The following PAPSS2 variants were observed in gnomAD, a reference collection of about 807,000 sequenced individuals.
PAPSS2 encodes 3'-phosphoadenosine 5'-phosphosulfate synthase 2.
In PAPSS2, 61 loss-of-function variants were observed where a neutral mutation model predicts 66.5. The ratio of observed to expected loss-of-function variants is 0.92; its 90% CI spans 0.75 to 1.14. The LOEUF (loss-of-function observed/expected upper bound fraction) is 1.14. Ranked by LOEUF, PAPSS2 falls within the 50% of genes most tolerant of loss-of-function variation. The pLI is 0.00. For synonymous variants in PAPSS2, 289 were observed against 287.5 expected, an observed-to-expected ratio of 1.01 and a Z score of -0.05; for missense variants, 708 against 789.6, an observed-to-expected ratio of 0.90 and a Z score of 1.24.
At chr10:87,667,206 C>T (rs1852825262) in intron 1 of PAPSS2, among the ~76,000 whole-genome samples, 1 of 152,176 alleles carries the variant, frequency 6.6e-6, no homozygotes, top group Admixed American at 6.5e-5. Flanking sequence ...GTAATCCCAG[C>T]ACTTTGAGAG....
intron 10 of PAPSS2, among the ~76,000 whole-genome samples, chr10:87,741,643 C>T (rs1406070058): frequency 3.9e-5 from 6 of 152,208 alleles, no homozygotes; most frequent in Non-Finnish European, 1.5e-5. Context: ...GATCCCCCTA[C>T]CTTGGCCTCC....
At chr10:87,683,056 T>C (rs991497005) in intron 1 of PAPSS2, among the ~76,000 whole-genome samples, 13 of 151,566 alleles carry the variant, frequency 8.6e-5, no homozygotes, top group African/African-American at 3.2e-4. Context: ...CTTTTTCTTT[T>C]TCTTTTTTTT....
In PAPSS2 at chr10:87,747,150, A is replaced by C. The variant is rs1853951718; in HGVS notation, c.*1180A>C. ...TGCCTTCTCGGATACTGAAAGGTCG[A>C]GTTTTCTGAACTGCACTGATTTTAT... On this transcript the variant is annotated 3_prime_UTR_variant, in exon 13 of 13. Transcript: ENST00000456849. 6.6e-6 allele frequency: 1 copy of C among 151,486 alleles called. No individual in the cohort carries two copies. The highest frequency in any genetic ancestry group is 2.4e-5 in the African/African-American group (1 of 41,162). 9.4% of individuals were successfully genotyped at this position (151,486 alleles called of 1,614,324 possible).
At chr10:87,733,049 C>CT (rs1313941538) in intron 9 of PAPSS2, among the ~76,000 whole-genome samples, 9 of 152,244 alleles carry the variant, frequency 5.9e-5, no homozygotes, top group Non-Finnish European at 1.0e-4. Context: ...TTGCTGTGTC[C>CT]TTTTTTAGCA....
At chr10:87,685,941 C>T (rs1452723987) in intron 1 of PAPSS2, among the ~76,000 whole-genome samples, 1 of 152,130 alleles carries the variant, frequency 6.6e-6, no homozygotes, top group Non-Finnish European at 1.5e-5. Flanking sequence ...CCTGGACCAT[C>T]TTAGAGCAGT....
chr10:87,711,482 A>T, intron 2 of PAPSS2, among the ~76,000 whole-genome samples: 1 of 152,250 alleles, frequency 6.6e-6, no homozygotes, highest in East Asian at 1.9e-4. Context: ...ATGAGAGAAC[A>T]CACCAGAGAT....
chr10:87,678,637 A>G (rs571757481), intron 1 of PAPSS2, among the ~76,000 whole-genome samples: 76 of 152,268 alleles, frequency 5.0e-4, no homozygotes, highest in African/African-American at 1.7e-3. Flanking sequence ...TGAATAGACA[A>G]TTCTCAAAAG....
intron 1 of PAPSS2, among the ~76,000 whole-genome samples, chr10:87,688,877 A>C (rs1853126307): frequency 6.6e-6 from 1 of 152,204 alleles, no homozygotes; most frequent in African/African-American, 2.4e-5. Context: ...ACTCACATTC[A>C]GTTCCACTAG....
intron 1 of PAPSS2, among the ~76,000 whole-genome samples, chr10:87,675,826 A>G (rs953753678): frequency 1.3e-5 from 2 of 152,168 alleles, no homozygotes; most frequent in Non-Finnish European, 2.9e-5. Flanking sequence ...ACTGGCTACA[A>G]GGTTTCTTGG....
intron 9 of PAPSS2, among the ~76,000 whole-genome samples, chr10:87,736,270 T>TC (rs1853799427): frequency 7.0e-6 from 1 of 142,334 alleles, no homozygotes; most frequent in South Asian, 2.3e-4. Context: ...TTTCTTTTTT[T>TC]TTTTTTTTTT....
Position 87,735,251 on chromosome 10 carries a change from C to T in PAPSS2, c.1087-5984C>T, listed in dbSNP as rs555529515. Among the ~76,000 whole-genome samples, 32 of 152,222 alleles carry T rather than the reference C, an allele frequency of 2.1e-4. No individual in the cohort carries two copies. In the South Asian group the frequency reaches 4.6e-3, roughly 22 times the overall value. Reference sequence around the variant, plus strand: ...TCCTGACAGCTGGACACAGTTCTGGCGATAATTGGACCACCTTAGGGATAG... The same window carrying T: ...TCCTGACAGCTGGACACAGTTCTGGTGATAATTGGACCACCTTAGGGATAG... On this transcript the variant is annotated intron_variant, in intron 9 of 12. Coordinates refer to ENST00000456849, the MANE Select transcript of PAPSS2 (RefSeq NM_001015880.2).
chr10:87,668,755 A>G (rs1322118038), intron 1 of PAPSS2, among the ~76,000 whole-genome samples: 1 of 151,992 alleles, frequency 6.6e-6, no homozygotes, highest in Non-Finnish European at 1.5e-5. Context: ...TAAGCTCTTT[A>G]TATGACAGTT....
chr10:87,729,809 C>T (rs1853706359), intron 9 of PAPSS2, among the ~76,000 whole-genome samples: 1 of 152,000 alleles, frequency 6.6e-6, no homozygotes, highest in Non-Finnish European at 1.5e-5. Flanking sequence ...CCAGCCTGAC[C>T]AACATGGAGG....
At chr10:87,730,212 G>A (rs113905658) in intron 9 of PAPSS2, among the ~76,000 whole-genome samples, 109 of 152,256 alleles carry the variant, frequency 7.2e-4, no homozygotes, top group African/African-American at 2.5e-3. Context: ...GCAGATTAAT[G>A]AGAAAAGGCA....
chr10:87,705,554 CAT>C (rs1238298392), intron 1 of PAPSS2, among the ~76,000 whole-genome samples: 1 of 152,060 alleles, frequency 6.6e-6, no homozygotes, highest in Non-Finnish European at 1.5e-5. Flanking sequence ...TATGAGAGCA[CAT>C]GTTTGCTGCC....
At position 87,661,152 on chromosome 10, in the gene PAPSS2, A is replaced by C. The variant is rs1406571670; in HGVS notation, c.27+1144A>C. 5.8e-5 allele frequency: 23 copies of C among 396,790 alleles called. No homozygotes were observed. The East Asian group carries it at 8.6e-4, about 15-fold the overall frequency. 24.6% of individuals were successfully genotyped at this position (396,790 alleles called of 1,614,324 possible). A position where few individuals can be genotyped will look rare whatever the true frequency, so the allele number is the denominator to read the frequency against. Reference sequence around the variant, plus strand: ...GCCGGGGAGAGGTTTAAAAAAAAAAACAAAATATAAAGCCAAGAAGTGGGG... The same window carrying C: ...GCCGGGGAGAGGTTTAAAAAAAAAACCAAAATATAAAGCCAAGAAGTGGGG... On this transcript the variant is annotated intron_variant, in intron 1 of 12. Coordinates refer to ENST00000456849, the MANE Select transcript of PAPSS2 (RefSeq NM_001015880.2).
chr10:87,702,549 A>C (rs1420003558), intron 1 of PAPSS2, among the ~76,000 whole-genome samples: 3 of 152,164 alleles, frequency 2.0e-5, no homozygotes, highest in Non-Finnish European at 4.4e-5. Context: ...GAAGATTTGG[A>C]ACACGTTTAA....
chr10:87,706,629 T>C (rs898684389), intron 1 of PAPSS2, among the ~76,000 whole-genome samples: 11 of 150,838 alleles, frequency 7.3e-5, no homozygotes, highest in African/African-American at 2.2e-4. Flanking sequence ...TATGATGGTG[T>C]GCACCTGTAG....
chr10:87,723,154 C>T (rs1314158095), intron 8 of PAPSS2, among the ~76,000 whole-genome samples: 5 of 152,188 alleles, frequency 3.3e-5, no homozygotes, highest in Non-Finnish European at 5.9e-5. Flanking sequence ...TGCTTTATTT[C>T]GGCCAAGTCA....
Sources: gnomAD v4.1 joint callset for allele counts (sites outside exome capture counted in the v4.1 genomes callset) on GRCh38, gnomAD v4.1.1 for gene constraint, MANE v1.5 for transcripts, NCBI Gene and HGNC (gene_info 2026-07-23, HGNC 2026-07-21) for gene names.